The following RAMP3 variants were observed in gnomAD, a reference collection of about 807,000 sequenced individuals.
The protein encoded by RAMP3 is receptor activity modifying protein 3, also known as receptor activity-modifying protein 3.
Under a neutral mutation model 13.5 loss-of-function variants are expected in RAMP3, and 14 were observed. That is an observed-to-expected ratio of 1.04 (90% CI 0.69 to 1.63). RAMP3 has a LOEUF of 1.63. Among genes scored for constraint, RAMP3 ranks in the 40% most tolerant of loss-of-function variants. The pLI is 0.00. For synonymous variants in RAMP3, 106 were observed against 88.3 expected, an observed-to-expected ratio of 1.20 and a Z score of -1.12; for missense variants, 200 against 204.8, an observed-to-expected ratio of 0.98 and a Z score of 0.14.
intron 1 of RAMP3, among the ~76,000 whole-genome samples, chr7:45,171,555 AT>A (rs1270920823): frequency 2.6e-5 from 4 of 151,234 alleles, no homozygotes; most frequent in Non-Finnish European, 5.9e-5. Context: ...GTCTTTTTTG[AT>A]TTTTTTTCTT....
chr7:45,161,104 G>T (rs113572910), intron 1 of RAMP3, among the ~76,000 whole-genome samples: 3 of 151,372 alleles, frequency 2.0e-5, no homozygotes, highest in Admixed American at 6.5e-5. Context: ...GATGGCATGT[G>T]GTCCTCAAAG....
chr7:45,182,157 G>A (rs1018715495), intron 2 of RAMP3, among the ~76,000 whole-genome samples: 3 of 152,194 alleles, frequency 2.0e-5, no homozygotes, highest in South Asian at 2.1e-4. Flanking sequence ...GGGACAGCGC[G>A]GGAAGGAGGA....
intron 2 of RAMP3, among the ~76,000 whole-genome samples, chr7:45,179,859 T>G (rs574254431): frequency 7.2e-5 from 11 of 152,214 alleles, no homozygotes; most frequent in African/African-American, 2.6e-4. Flanking sequence ...AAAGGAAAAC[T>G]TCTACACCTA....
chr7:45,176,658 T>G (rs1442204665), intron 1 of RAMP3, among the ~76,000 whole-genome samples: 1 of 151,536 alleles, frequency 6.6e-6, no homozygotes, highest in Non-Finnish European at 1.5e-5. Flanking sequence ...AGCAAAGGCA[T>G]GAGGAGGAAG....
chr7:45,168,723 G>T (rs1786023389), intron 1 of RAMP3, among the ~76,000 whole-genome samples: 1 of 152,176 alleles, frequency 6.6e-6, no homozygotes, highest in Non-Finnish European at 1.5e-5. Flanking sequence ...ATCTGTGATA[G>T]AGATAGTTTT....
At position 45,183,247 on chromosome 7, in the gene RAMP3, C is replaced by T. The variant is rs138821752; in HGVS notation, c.282C>T (p.Thr94=). Residue 94 remains threonine (T), a synonymous_variant, in exon 3 of 3, where the codon ACC becomes ACT. Transcript: ENST00000242249. The part of the protein sequence containing the change: ...WPNPLAQGFI[T]GIHRQFFSNC... Reference sequence around the variant, plus strand: ...ACCCCCTGGCCCAGGGCTTCATCACCGGCATCCACAGGCAGTTCTTCTCCA... The same window carrying T: ...ACCCCCTGGCCCAGGGCTTCATCACTGGCATCCACAGGCAGTTCTTCTCCA... The T allele has an allele frequency of 2.0e-4, 324 of 1,613,826 alleles. 1 individual carries two copies. Among genetic ancestry groups the T allele is most frequent in the Middle Eastern group, 1.6e-4 (1 of 6,084 alleles).
chr7:45,161,654 CAG>C (rs1785869071), intron 1 of RAMP3, among the ~76,000 whole-genome samples: 1 of 142,988 alleles, frequency 7.0e-6, no homozygotes, highest in African/African-American at 2.6e-5. Context: ...TAAAGAAGGA[CAG>C]GGGAAGGAGG....
At chr7:45,181,645 G>A (rs1786317199) in intron 2 of RAMP3, among the ~76,000 whole-genome samples, 1 of 152,288 alleles carries the variant, frequency 6.6e-6, no homozygotes, top group African/African-American at 2.4e-5. Flanking sequence ...CCAGCTCCTG[G>A]ATCAGCTGGC....
chr7:45,175,873 A>C (rs368519213), intron 1 of RAMP3, among the ~76,000 whole-genome samples: 3 of 152,162 alleles, frequency 2.0e-5, no homozygotes, highest in African/African-American at 7.2e-5. Flanking sequence ...ATGACTCTTG[A>C]GGAGTGTCTG....
chr7:45,162,896 C>A (rs767534919), intron 1 of RAMP3, among the ~76,000 whole-genome samples: 8 of 152,196 alleles, frequency 5.3e-5, no homozygotes, highest in Non-Finnish European at 1.0e-4. Flanking sequence ...ATCCCCCATG[C>A]CCTTACTCCT....
At position 45,184,005 on chromosome 7, in the gene RAMP3, G is replaced by A. The variant is rs1320100859; in HGVS notation, c.*593G>A. 9.7e-6 allele frequency: 4 copies of A among 413,740 alleles called. No individual in the cohort carries two copies. Among genetic ancestry groups the A allele is most frequent in the African/African-American group, 4.1e-5 (2 of 49,076 alleles). 25.6% of individuals were successfully genotyped at this position (413,740 alleles called of 1,614,324 possible). ...GGCTGGGGGTTCCCAGGAGCCATGC[G>A]TGGCCTGCAGAGTCCATTCCATCAT... On this transcript the variant is annotated 3_prime_UTR_variant, in exon 3 of 3. Transcript: ENST00000242249.
intron 1 of RAMP3, among the ~76,000 whole-genome samples, chr7:45,176,257 A>G (rs1786184180): frequency 6.6e-6 from 1 of 152,158 alleles, no homozygotes; most frequent in Middle Eastern, 3.4e-3. Context: ...CCATTTTCTT[A>G]TCTGCTTCTT....
intron 2 of RAMP3, among the ~76,000 whole-genome samples, chr7:45,181,796 T>G (rs1786320801): frequency 6.6e-6 from 1 of 152,184 alleles, no homozygotes; most frequent in Non-Finnish European, 1.5e-5. Flanking sequence ...GCATTGTGGC[T>G]GAGGCCCAGG....
intron 1 of RAMP3, among the ~76,000 whole-genome samples, chr7:45,170,646 T>G (rs1750095816): frequency 6.6e-6 from 1 of 151,540 alleles, no homozygotes; most frequent in African/African-American, 2.4e-5. Flanking sequence ...CTTATTTTAT[T>G]TATTTATTTA....
intron 1 of RAMP3, 85 bp from the exon 2 acceptor site, chr7:45,177,224 T>A: frequency 6.4e-7 from 1 of 1,566,210 alleles, no homozygotes; most frequent in Non-Finnish European, 8.7e-7. Context: ...TAGTGAGTAC[T>A]CAAGTTATGG....
At chr7:45,158,079 G>A (rs1785793590) in intron 1 of RAMP3, among the ~76,000 whole-genome samples, 193 bp downstream of exon 1, 1 of 152,268 alleles carries the variant, frequency 6.6e-6, no homozygotes, top group Non-Finnish European at 1.5e-5. Flanking sequence ...TGAAGGCGAA[G>A]GACTCTGGCG....
chr7:45,159,152 G>C (rs1002143038), intron 1 of RAMP3, among the ~76,000 whole-genome samples: 1 of 152,234 alleles, frequency 6.6e-6, no homozygotes, highest in African/African-American at 2.4e-5. Context: ...CAGTTCCTGA[G>C]GGCCACTTCT....
At chr7:45,170,928 CTT>C (rs576559180) in intron 1 of RAMP3, among the ~76,000 whole-genome samples, 1 of 145,412 alleles carries the variant, frequency 6.9e-6, no homozygotes, top group Non-Finnish European at 1.5e-5. Context: ...CATGTCCAGC[CTT>C]TTTTTTTTTA....
intron 1 of RAMP3, among the ~76,000 whole-genome samples, chr7:45,173,452 G>A (rs1786118469): frequency 6.6e-6 from 1 of 152,202 alleles, no homozygotes; most frequent in African/African-American, 2.4e-5. Flanking sequence ...CTGGGATTTT[G>A]GGTGAAAAAT....
Sources: allele counts gnomAD v4.1 joint callset (sites outside exome capture counted in the v4.1 genomes callset), GRCh38; gene constraint gnomAD v4.1.1; transcripts MANE v1.5; gene names NCBI Gene and HGNC (gene_info 2026-07-23, HGNC 2026-07-21).